The following OXNAD1 variants were observed in gnomAD, a reference collection of about 807,000 sequenced individuals.
OXNAD1 encodes oxidoreductase NAD binding domain containing 1.
A neutral mutation model predicts 32.9 loss-of-function variants in OXNAD1; 34 were observed. The ratio of observed to expected loss-of-function variants is 1.03; its 90% CI spans 0.79 to 1.38. The LOEUF (loss-of-function observed/expected upper bound fraction) is 1.38. Ranked by LOEUF, OXNAD1 falls within the 40% of genes most tolerant of loss-of-function variation. OXNAD1 has a pLI of 0.00. For synonymous variants in OXNAD1, 134 were observed against 135.2 expected, an observed-to-expected ratio of 0.99 and a Z score of 0.06; for missense variants, 407 against 379.4, an observed-to-expected ratio of 1.07 and a Z score of -0.60.
chr3:16,290,476 C>T lies in OXNAD1; in HGVS notation c.290+4028C>T, dbSNP rs1188845243. On this transcript the variant is annotated intron_variant, in intron 5 of 8. Transcript: ENST00000285083. The surrounding 1 kb of genome is among the most constrained non-coding windows in gnomAD (Gnocchi z 4.2). ...CCTTTCATTCAACTGAGAGAATGGC[C>T]TTCATCAGCATTGAGCAGCAGAGGG... 6.6e-6 allele frequency among the ~76,000 whole-genome samples: 1 copy of T among 152,080 alleles called. No homozygotes were observed. Among genetic ancestry groups the T allele is most frequent in the Non-Finnish European group, 1.5e-5 (1 of 68,026 alleles).
chr3:16,275,024 T>TA (rs1225970823), intron 4 of OXNAD1: 1 of 152,610 alleles, frequency 6.6e-6, no homozygotes, highest in Non-Finnish European at 1.5e-5. Flanking sequence ...AGAAAGCTTA[T>TA]AAAACAGTCA....
chr3:16,351,517 G>A (rs1044679087), downstream of OXNAD1, among the ~76,000 whole-genome samples: 10 of 152,178 alleles, frequency 6.6e-5, no homozygotes, highest in South Asian at 2.1e-4. This position sits in a 1 kb window ranked among gnomAD's most constrained non-coding sequence, Gnocchi z 5.4. Flanking sequence ...CAAAGTCTGC[G>A]GGGTTGCAGA....
At position 16,332,982 on chromosome 3, in the gene OXNAD1, C is replaced by G. The variant is rs114004351; in HGVS notation, c.*31-4130C>G. Among the ~76,000 whole-genome samples, 703 of 152,278 alleles carry G rather than the reference C, an allele frequency of 4.6e-3. 7 individuals carry two copies. Among genetic ancestry groups the G allele is most frequent in the African/African-American group, 0.016 (668 of 41,540 alleles). Reference sequence around the variant, plus strand: ...TTAGGGTCTTGGAAGCATCTGGTCGCAACAGTTTTGCAAACTGATCAATAT... The same window carrying G: ...TTAGGGTCTTGGAAGCATCTGGTCGGAACAGTTTTGCAAACTGATCAATAT... On this transcript the variant is annotated intron_variant, in intron 9 of 9. Coordinates refer to the OXNAD1 transcript ENST00000435829.
rs1159858947 is a variant in OXNAD1, at chr3:16,345,843, CATGT to C, written c.*31-3332_*31-3329del. 6.4e-5 allele frequency among the ~76,000 whole-genome samples: 5 copies of C among 77,528 alleles called. No individual in the cohort carries two copies. The highest frequency in any genetic ancestry group is 3.3e-4 in the African/African-American group (5 of 15,074). The allele number at this position is 77,528 out of a possible 152,430, so 50.9% of individuals were successfully genotyped here. On this transcript the variant is annotated intron_variant, in intron 9 of 9. Coordinates refer to the OXNAD1 transcript ENST00000606098. The surrounding 1 kb of genome is among the most constrained non-coding windows in gnomAD (Gnocchi z 5.2). ...GCGCGCGCGCGTGCGCGCACGCGCACATGTGCATGTGTATGTGTATAATCTCCTA... is the reference window on the plus strand; with the variant it reads ...GCGCGCGCGCGTGCGCGCACGCGCACGCATGTGTATGTGTATAATCTCCTA...
intron 9 of OXNAD1, among the ~76,000 whole-genome samples, chr3:16,318,610 T>C (rs917294973): frequency 6.1e-5 from 8 of 131,114 alleles, no homozygotes; most frequent in African/African-American, 2.0e-4. Flanking sequence ...TTTAATACAT[T>C]ATAGGATTCT....
At chr3:16,267,529 T>C (rs1311567937) in intron 1 of OXNAD1, among the ~76,000 whole-genome samples, 8 of 152,200 alleles carry the variant, frequency 5.3e-5, no homozygotes, top group Admixed American at 5.2e-4. Flanking sequence ...GTTGGACCTT[T>C]GCTCTTGCTA....
intron 4 of OXNAD1, chr3:16,272,182 T>C (rs1353416334): frequency 1.3e-5 from 6 of 453,506 alleles, no homozygotes; most frequent in Admixed American, 2.4e-5. Context: ...CACTAACATC[T>C]GAGAAAGGAA....
intron 4 of OXNAD1, among the ~76,000 whole-genome samples, chr3:16,285,313 G>A (rs376050361): frequency 1.9e-4 from 29 of 152,290 alleles, no homozygotes; most frequent in African/African-American, 6.5e-4. Flanking sequence ...AGGATGGGAC[G>A]TTCATTGACC....
chr3:16,335,595 G>C lies in OXNAD1; in HGVS notation c.*31-1517G>C, dbSNP rs1575029623. 1.3e-5 allele frequency among the ~76,000 whole-genome samples: 2 copies of C among 152,134 alleles called. No homozygotes were observed. The highest frequency in any genetic ancestry group is 4.8e-5 in the African/African-American group (2 of 41,430). ...ACATGTGAAAACACATGGACACATG[G>C]TGGGGAGCAACACACACTGGGACCT... On this transcript the variant is annotated intron_variant, in intron 9 of 9. Coordinates refer to the OXNAD1 transcript ENST00000435829. The surrounding 1 kb of genome is among the most constrained non-coding windows in gnomAD (Gnocchi z 4.7).
At position 16,312,532 on chromosome 3, in the gene OXNAD1, T is replaced by C. The variant is rs746817204; in HGVS notation, c.*30+8940T>C. Among the ~76,000 whole-genome samples the C allele has an allele frequency of 1.3e-5, 2 of 152,220 alleles. No individual in the cohort carries two copies. The highest frequency in any genetic ancestry group is 2.4e-5 in the African/African-American group (1 of 41,466). On this transcript the variant is annotated intron_variant, in intron 9 of 9. Coordinates refer to the OXNAD1 transcript ENST00000435829. This position sits in a 1 kb window ranked among gnomAD's most constrained non-coding sequence, Gnocchi z 4.7. ...GACTTGATCTTCAATCTTAGGCTGC[T>C]GTGAGCCCTAGCAGGACAGAGCCCA...
intron 4 of OXNAD1, chr3:16,275,429 A>G (rs1158613727): frequency 2.0e-5 from 3 of 152,514 alleles, no homozygotes; most frequent in African/African-American, 4.8e-5. Context: ...TTAGCTGGAC[A>G]TGGCGGTGTG....
At chr3:16,311,011 A>G (rs7630001), downstream of OXNAD1, among the ~76,000 whole-genome samples, 1,524 of 136,132 alleles carry the variant, frequency 0.011, 63 homozygotes, top group East Asian at 0.099. Flanking sequence ...AAAAAAAAAA[A>G]AAATCATCTG....
chr3:16,340,680 G>T (rs980722646), downstream of OXNAD1, among the ~76,000 whole-genome samples: 1 of 152,218 alleles, frequency 6.6e-6, no homozygotes, highest in Non-Finnish European at 1.5e-5. Context: ...TATACAGGAA[G>T]GTAACTCTGC....
At chr3:16,310,308 C>T (rs899893370), downstream of OXNAD1, among the ~76,000 whole-genome samples, 34 of 150,762 alleles carry the variant, frequency 2.3e-4, no homozygotes, top group Non-Finnish European at 2.8e-4. Context: ...GTTTTTTTTT[C>T]ATTGAACAAT....
Position 16,297,600 on chromosome 3 carries a change from T to C in OXNAD1, c.432+2603T>C, listed in dbSNP as rs867873977. Among the ~76,000 whole-genome samples, 53 of 152,322 alleles carry C rather than the reference T, an allele frequency of 3.5e-4. No individual in the cohort carries two copies. The highest frequency in any genetic ancestry group is 1.3e-3 in the African/African-American group (52 of 41,566). On this transcript the variant is annotated intron_variant, in intron 6 of 8. Transcript: ENST00000285083. The surrounding 1 kb of genome is among the most constrained non-coding windows in gnomAD (Gnocchi z 4.3). ...TAAAAACTTCTAGAAACAACCCAAA[T>C]GTCCCTCAGCAGGTGAATGGATAAC...
At chr3:16,325,895 G>T (rs553144714) in intron 9 of OXNAD1, among the ~76,000 whole-genome samples, 24 of 152,348 alleles carry the variant, frequency 1.6e-4, no homozygotes, top group Middle Eastern at 3.4e-3. Context: ...GCTTGGGGAA[G>T]GTGGAGCTCT....
In OXNAD1 at chr3:16,287,232, G is replaced by A. The variant is rs915663433; in HGVS notation, c.290+784G>A. On this transcript the variant is annotated intron_variant, in intron 5 of 8. Coordinates refer to ENST00000285083, the MANE Select transcript of OXNAD1 (RefSeq NM_138381.5). The surrounding 1 kb of genome is among the most constrained non-coding windows in gnomAD (Gnocchi z 4.8). ...GCATTCATTTCTAAATGGATTTCTGGCATGTCAGTCTTGATAGTGTTTCTT... is the reference window on the plus strand; with the variant it reads ...GCATTCATTTCTAAATGGATTTCTGACATGTCAGTCTTGATAGTGTTTCTT... Among the ~76,000 whole-genome samples the A allele has an allele frequency of 6.6e-6, 1 of 152,120 alleles. No homozygotes were observed. The highest frequency in any genetic ancestry group is 1.5e-5 in the Non-Finnish European group (1 of 68,018).
downstream of OXNAD1, among the ~76,000 whole-genome samples, chr3:16,339,101 CTT>C (rs1302907033): frequency 6.6e-6 from 1 of 152,234 alleles, no homozygotes; most frequent in Non-Finnish European, 1.5e-5. Flanking sequence ...CTGTCACAGT[CTT>C]GACTCACTAA....
intron 4 of OXNAD1, 91 bp from the exon 5 acceptor site, chr3:16,286,227 TTTTCAAAAACCACATCTTTGTAGG>T: frequency 1.3e-6 from 1 of 786,414 alleles, no homozygotes; most frequent in Non-Finnish European, 2.1e-6. Flanking sequence ...TGTTTGGCAA[TTTTCAAAAACCACATCTTTGTAGG>T]TTTCAAAAAC....
Sources: allele counts gnomAD v4.1 joint callset (sites outside exome capture counted in the v4.1 genomes callset), GRCh38; gene constraint gnomAD v4.1.1; non-coding constraint Gnocchi (gnomAD v3.1); transcripts MANE v1.5; gene names NCBI Gene and HGNC (gene_info 2026-07-23, HGNC 2026-07-21).